PXK: variants seen among roughly 807,000 people sequenced by gnomAD.
The protein encoded by PXK is PX domain-containing protein kinase-like protein.
Under a neutral mutation model 84.7 loss-of-function variants are expected in PXK, and 35 were observed. The ratio of observed to expected loss-of-function variants is 0.41; its 90% CI spans 0.32 to 0.55. The LOEUF (loss-of-function observed/expected upper bound fraction) is 0.55, where lower values mean the gene tolerates loss of function less well. Among genes scored for constraint, PXK ranks in the 20% least tolerant of loss-of-function variants. PXK has a pLI of 0.21. For missense variants in PXK, 634 were observed against 699.7 expected (o/e 0.91, Z 1.06); for synonymous variants, 253 against 260.8 (o/e 0.97, Z 0.29).
At chr3:58,369,335 A>G (rs1386056497) in intron 2 of PXK, 96 bp from the exon 3 acceptor site, 3 of 933,740 alleles carry the variant, frequency 3.2e-6, no homozygotes, top group South Asian at 1.5e-5. Context: ...CCTGAGCTCT[A>G]GAGTGCCAAT....
At chr3:58,418,954 G>T (rs893491127) in intron 17 of PXK, among the ~76,000 whole-genome samples, 3 of 152,136 alleles carry the variant, frequency 2.0e-5, no homozygotes, top group African/African-American at 7.2e-5. Context: ...AAGAGAAAAG[G>T]CATACAAGTT....
At chr3:58,384,965 C>T (rs1256419307) in intron 4 of PXK, among the ~76,000 whole-genome samples, 1 of 152,160 alleles carries the variant, frequency 6.6e-6, no homozygotes, top group Non-Finnish European at 1.5e-5. Flanking sequence ...AGAGGGAGGG[C>T]CCTAGCCAGG....
chr3:58,358,544 A>G (rs2098128952), intron 1 of PXK, among the ~76,000 whole-genome samples: 1 of 152,170 alleles, frequency 6.6e-6, no homozygotes, highest in Non-Finnish European at 1.5e-5. Flanking sequence ...CCAAGCCTCC[A>G]TGGGCTGGTG....
intron 3 of PXK, 44 bp downstream of exon 3, chr3:58,369,522 G>A (rs772100455): frequency 3.2e-6 from 5 of 1,547,150 alleles, no homozygotes; most frequent in Admixed American, 1.7e-5. Context: ...ATTACTTGGG[G>A]TGTCTAAAAA....
At chr3:58,336,038 CATATATAT>C (rs1168755178) in intron 1 of PXK, among the ~76,000 whole-genome samples, 24 of 43,152 alleles carry the variant, frequency 5.6e-4, no homozygotes, top group Middle Eastern at 0.019. Flanking sequence ...CCTTGGGAAA[CATATATAT>C]ATATATATAT....
Position 58,333,068 on chromosome 3 carries a change from G to T in PXK, c.80G>T (p.Ser27Ile). Residue 27 changes from serine to isoleucine, a missense_variant, in exon 1 of 18, where the codon AGC becomes ATC. Physicochemically the swap from Ser to Ile is moderately radical, Grantham distance 142. This residue lies in a region of PXK where 353 missense variants were observed against 385.2 expected (regional missense o/e 0.92). Coordinates refer to ENST00000356151, the MANE Select transcript of PXK (RefSeq NM_017771.5). This position sits in a 1 kb window ranked among gnomAD's most constrained non-coding sequence, Gnocchi z 5.4. Reference protein sequence around the residue: ...TVPLTAAIEASQSLQSHTEYI... With the variant: ...TVPLTAAIEAIQSLQSHTEYI... ...CCGCTGACAGCAGCCATCGAGGCGA[G>T]CCAGAGCCTGCAGTCCCACACGGTG... The T allele has an allele frequency of 7.5e-7, 1 of 1,327,214 alleles. No individual in the cohort carries two copies. The highest frequency in any genetic ancestry group is 1.6e-5 in the South Asian group (1 of 63,414). The allele number at this position is 1,327,214 out of a possible 1,614,324, so 82.2% of individuals were successfully genotyped here. A position where few individuals can be genotyped will look rare whatever the true frequency, so the allele number is the denominator to read the frequency against.
intron 17 of PXK, chr3:58,422,650 T>C (rs1455482813): frequency 1.0e-6 from 1 of 985,402 alleles, no homozygotes; most frequent in African/African-American, 1.7e-5. Context: ...ACTTCTAATT[T>C]TGAGGGCCTG....
intron 3 of PXK, among the ~76,000 whole-genome samples, chr3:58,376,661 A>G (rs1190249694): frequency 6.6e-6 from 1 of 150,838 alleles, no homozygotes; most frequent in African/African-American, 2.4e-5. Context: ...TATTTTTGAG[A>G]CAGAGTCTCA....
intron 1 of PXK, among the ~76,000 whole-genome samples, chr3:58,344,786 C>T (rs773435482): frequency 2.6e-5 from 4 of 152,180 alleles, no homozygotes; most frequent in Non-Finnish European, 4.4e-5. Flanking sequence ...CGAGATTGCA[C>T]CATTGCACTC....
intron 1 of PXK, among the ~76,000 whole-genome samples, chr3:58,351,482 A>G (rs1252899626): frequency 6.6e-6 from 1 of 150,580 alleles, no homozygotes; most frequent in African/African-American, 2.4e-5. Flanking sequence ...GCTGGTCTTG[A>G]ACTCCTGGGC....
rs1226894338 is a variant in PXK at position 58,333,087 on chromosome 3, C to A, written c.99C>A (p.His33Gln). The A allele has an allele frequency of 1.6e-6, 2 of 1,249,618 alleles. No homozygotes were observed. The highest frequency in any genetic ancestry group is 6.2e-5 in the Admixed American group (2 of 32,054). The allele number at this position is 1,249,618 out of a possible 1,614,324, so 77.4% of individuals were successfully genotyped here. A position where few individuals can be genotyped will look rare whatever the true frequency, so the allele number is the denominator to read the frequency against. The stretch of plus-strand genomic sequence containing the variant: ...AGGCGAGCCAGAGCCTGCAGTCCCA[C>A]ACGGTGCGCGGCCCAGCGGGCGGGC... ...AIEASQSLQS[H>Q]TEYIIRVQRG... is the part of the protein sequence containing the mutation. The change falls in exon 1 of 18, where the codon CAC (histidine) becomes CAA (glutamine). Residue 33 changes from histidine (H) to glutamine (Q), a missense_variant. His to Gln is a conservative substitution (Grantham distance 24). Coordinates refer to ENST00000356151, the MANE Select transcript of PXK (RefSeq NM_017771.5). The surrounding 1 kb of genome is among the most constrained non-coding windows in gnomAD (Gnocchi z 5.4).
chr3:58,336,071 A>ATATATATATATTTTTTT (rs1284780630), intron 1 of PXK, among the ~76,000 whole-genome samples: 4 of 51,578 alleles, frequency 7.8e-5, no homozygotes, highest in African/African-American at 4.1e-4. Flanking sequence ...ATATATATAT[A>ATATATATATATTTTTTT]TTTTTTTTTT....
intron 1 of PXK, among the ~76,000 whole-genome samples, chr3:58,350,516 T>C (rs906260772): frequency 6.6e-6 from 1 of 152,182 alleles, no homozygotes; most frequent in Non-Finnish European, 1.5e-5. Context: ...TTGGAGCATG[T>C]GAAAGTATTG....
Position 58,409,595 on chromosome 3 carries a change from A to C in PXK, c.1372A>C (p.Lys458Gln). ...CCATGGATCTGAGGAGGAAAGAAAA[A>C]AAAGAAAGATTTTAGCTCGAAAGGT... Reference protein sequence around the residue: ...SHHGSEEERKKRKILARKKSK... With the variant: ...SHHGSEEERKQRKILARKKSK... Residue 458 changes from lysine to glutamine, a missense_variant, in exon 15 of 18, where the codon AAA becomes CAA. Physicochemically the swap from Lys to Gln is moderately conservative, Grantham distance 53 (BLOSUM62 1). Transcript: ENST00000356151. The surrounding 1 kb of genome is among the most constrained non-coding windows in gnomAD (Gnocchi z 4.2). 6.2e-7 allele frequency: 1 copy of C among 1,612,864 alleles called. No individual in the cohort carries two copies. The highest frequency in any genetic ancestry group is 8.5e-7 in the Non-Finnish European group (1 of 1,179,696).
intron 3 of PXK, among the ~76,000 whole-genome samples, chr3:58,374,989 C>T (rs755767276): frequency 4.6e-5 from 7 of 152,148 alleles, no homozygotes; most frequent in Non-Finnish European, 8.8e-5. Context: ...CTCTTTGTTT[C>T]ACCTGACGGT....
Position 58,397,264 on chromosome 3 carries a change from C to A in PXK, c.984+64C>A. On this transcript the variant is annotated intron_variant, in intron 10 of 17. Coordinates refer to ENST00000356151, the MANE Select transcript of PXK (RefSeq NM_017771.5). The surrounding 1 kb of genome is among the most constrained non-coding windows in gnomAD (Gnocchi z 4.7). ...AGGTGTCAGTTATCCCCATGATCTGCCCATGTAGGAAATATGCACCAAGTA... is the reference window on the plus strand; with the variant it reads ...AGGTGTCAGTTATCCCCATGATCTGACCATGTAGGAAATATGCACCAAGTA... 1 of 1,540,646 alleles carries A rather than the reference C, an allele frequency of 6.5e-7. No homozygotes were observed. Among genetic ancestry groups the A allele is most frequent in the Non-Finnish European group, 8.9e-7 (1 of 1,120,928 alleles).
intron 3 of PXK, among the ~76,000 whole-genome samples, chr3:58,373,240 G>A (rs6775517): frequency 3.3e-5 from 5 of 151,952 alleles, no homozygotes; most frequent in South Asian, 2.1e-4. Flanking sequence ...CACCATGCCC[G>A]GCTAATTTTT....
chr3:58,420,734 G>A, intron 17 of PXK: 1 of 1,437,120 alleles, frequency 7.0e-7, no homozygotes, highest in South Asian at 1.5e-5. Flanking sequence ...TCTTTAAAAA[G>A]CACCCAGTGA....
At chr3:58,396,971 C>A in intron 9 of PXK, 68 bp from the exon 10 acceptor site, 1 of 1,491,250 alleles carries the variant, frequency 6.7e-7, no homozygotes, top group African/African-American at 1.4e-5. Flanking sequence ...GACTAAAAAA[C>A]AAAGTTTAAC....
Sources: gnomAD v4.1 joint callset for allele counts (sites outside exome capture counted in the v4.1 genomes callset) on GRCh38, gnomAD v4.1.1 for gene constraint, gnomAD v4.1.1 regional missense constraint, Gnocchi (gnomAD v3.1) non-coding constraint, MANE v1.5 for transcripts, NCBI Gene and HGNC (gene_info 2026-07-23, HGNC 2026-07-21) for gene names.